The following AGPAT3 variants were observed in gnomAD, a reference collection of about 807,000 sequenced individuals.
AGPAT3 encodes the protein 1-acyl-sn-glycerol-3-phosphate acyltransferase gamma.
Under a neutral mutation model 47.3 loss-of-function variants are expected in AGPAT3, and 5 were observed. The observed-to-expected ratio is 0.11, with a 90% confidence interval of 0.06 to 0.22. AGPAT3 has a LOEUF of 0.22. AGPAT3 is among the 10% of genes least tolerant of loss of function. The probability of loss-of-function intolerance (pLI) is 1.00; values close to 1 mark genes in which losing one functional copy is unlikely to be tolerated. For missense variants in AGPAT3, 315 were observed against 493.0 expected, an observed-to-expected ratio of 0.64 and a Z score of 3.42; for synonymous variants, 212 against 208.3, an observed-to-expected ratio of 1.02 and a Z score of -0.15.
intron 2 of AGPAT3, among the ~76,000 whole-genome samples, chr21:43,921,921 G>A (rs1197303815): frequency 1.3e-5 from 2 of 152,142 alleles, no homozygotes. Context: ...GGTGTGGGGT[G>A]AGTGTGGAGA....
chr21:43,986,740 T>G lies in AGPAT3; in HGVS notation c.*4348T>G, dbSNP rs554756725. Among the ~76,000 whole-genome samples the G allele has an allele frequency of 5.3e-5, 8 of 152,354 alleles. No homozygotes were observed. The highest frequency in any genetic ancestry group is 1.9e-4 in the African/African-American group (8 of 41,584). On this transcript the variant is annotated 3_prime_UTR_variant, in exon 10 of 10. Coordinates refer to ENST00000291572, the MANE Select transcript of AGPAT3 (RefSeq NM_020132.5). ...TGAGTGCGCATGACAGCCACTGGCTTCTTTTTCTATGATTGAAAATCTGCC... is the reference window on the plus strand; with the variant it reads ...TGAGTGCGCATGACAGCCACTGGCTGCTTTTTCTATGATTGAAAATCTGCC...
rs2087188469 is a variant in AGPAT3, at chr21:43,930,035, A to G, written c.-49+26016A>G. 6.6e-6 allele frequency among the ~76,000 whole-genome samples: 1 copy of G among 152,168 alleles called. No homozygotes were observed. Among genetic ancestry groups the G allele is most frequent in the Non-Finnish European group, 1.5e-5 (1 of 68,020 alleles). Reference sequence around the variant, plus strand: ...GGACTTGAGTGACTGTCCTCCTGGAACCCAGGGTGCCTTGTCCTGGCACTT... The same window carrying G: ...GGACTTGAGTGACTGTCCTCCTGGAGCCCAGGGTGCCTTGTCCTGGCACTT... On this transcript the variant is annotated intron_variant, in intron 2 of 9. Transcript: ENST00000291572. The surrounding 1 kb of genome is among the most constrained non-coding windows in gnomAD (Gnocchi z 5.0).
intron 2 of AGPAT3, among the ~76,000 whole-genome samples, chr21:43,949,719 A>C (rs148586534): frequency 6.6e-6 from 1 of 152,258 alleles, no homozygotes; most frequent in African/African-American, 2.4e-5. Flanking sequence ...GTATCTTTCA[A>C]GATGTTCTGT....
chr21:43,935,092 G>A (rs887056128), intron 2 of AGPAT3, among the ~76,000 whole-genome samples: 2 of 152,344 alleles, frequency 1.3e-5, no homozygotes, highest in South Asian at 4.1e-4. Flanking sequence ...GGCTGGACAG[G>A]GGGGGCTTCT....
intron 2 of AGPAT3, among the ~76,000 whole-genome samples, chr21:43,959,082 T>TGGTGTGTGTGTGGCATGTGTGGGGTTTGC (rs796594636): frequency 1.6e-5 from 2 of 121,986 alleles, no homozygotes; most frequent in African/African-American, 7.0e-5. Flanking sequence ...GTGTGGTTTG[T>TGGTGTGTGTGTGGCATGTGTGGGGTTTGC]GGTGTGTGTG....
intron 3 of AGPAT3, 45 bp from the exon 4 acceptor site, chr21:43,967,901 G>A (rs747457775): frequency 1.3e-6 from 2 of 1,591,372 alleles, no homozygotes; most frequent in Admixed American, 3.5e-5. Context: ...GACCATCCCA[G>A]GAGGAGGGGT....
At chr21:43,976,093 A>C (rs1017831247) in intron 7 of AGPAT3, among the ~76,000 whole-genome samples, 3 of 149,116 alleles carry the variant, frequency 2.0e-5, no homozygotes, top group Non-Finnish European at 4.4e-5. Context: ...TTTGAGACGG[A>C]GTCTCGCTCT....
chr21:43,956,094 C>T (rs1055867326), intron 2 of AGPAT3, among the ~76,000 whole-genome samples: 3 of 152,158 alleles, frequency 2.0e-5, no homozygotes, highest in African/African-American at 7.2e-5. Context: ...ACCACCTGGT[C>T]TCCTGGGGCT....
rs879205 is a variant in AGPAT3, at chr21:43,939,127, G to A, written c.-48-20507G>A. Among the ~76,000 whole-genome samples, 5 of 152,138 alleles carry A rather than the reference G, an allele frequency of 3.3e-5. No homozygotes were observed. Among genetic ancestry groups the A allele is most frequent in the African/African-American group, 4.8e-5 (2 of 41,380 alleles). On this transcript the variant is annotated intron_variant, in intron 2 of 9. Coordinates refer to ENST00000291572, the MANE Select transcript of AGPAT3 (RefSeq NM_020132.5). This position sits in a 1 kb window ranked among gnomAD's most constrained non-coding sequence, Gnocchi z 4.4. Reference sequence around the variant, plus strand: ...GGCAAACCCTGCTGGGGACAGGTTCGTTGTGTCTGATGCCGTGGGAGATGC... The same window carrying A: ...GGCAAACCCTGCTGGGGACAGGTTCATTGTGTCTGATGCCGTGGGAGATGC...
intron 1 of AGPAT3, among the ~76,000 whole-genome samples, chr21:43,898,768 C>T (rs909716060): frequency 3.3e-5 from 5 of 152,232 alleles, no homozygotes; most frequent in African/African-American, 1.2e-4. Context: ...CTCAGGTGAT[C>T]AGCCCACCTT....
chr21:43,971,330 G>A (rs2089385060), intron 6 of AGPAT3, 58 bp from the exon 7 acceptor site: 1 of 1,507,602 alleles, frequency 6.6e-7, no homozygotes, highest in South Asian at 1.1e-5. Flanking sequence ...TTTTCCCTCT[G>A]GCAGTGACCA....
chr21:43,948,139 C>T (rs2087994904), intron 2 of AGPAT3: 1 of 152,188 alleles, frequency 6.6e-6, no homozygotes, highest in African/African-American at 2.4e-5. Flanking sequence ...CTCTTGTCTT[C>T]CCCGCCTCTT....
intron 1 of AGPAT3, among the ~76,000 whole-genome samples, chr21:43,898,271 C>A (rs2086274773): frequency 6.6e-6 from 1 of 152,158 alleles, no homozygotes; most frequent in Non-Finnish European, 1.5e-5. Context: ...TTGTTGATTT[C>A]TTGGTCTGTG....
chr21:43,873,064 T>C (rs1378189897), intron 1 of AGPAT3, among the ~76,000 whole-genome samples: 7 of 152,142 alleles, frequency 4.6e-5, no homozygotes. Context: ...GACAGAGCAC[T>C]GGTGCCAGCG....
chr21:43,980,675 C>T (rs1354122983), intron 8 of AGPAT3, among the ~76,000 whole-genome samples: 1 of 152,198 alleles, frequency 6.6e-6, no homozygotes, highest in Non-Finnish European at 1.5e-5. Context: ...TGGGATGTGG[C>T]GGGTGGCCGG....
rs372562616 is a variant in AGPAT3, at chr21:43,968,061, C to T, written c.294C>T (p.Phe98=). 60 of 1,613,902 alleles carry T rather than the reference C, an allele frequency of 3.7e-5. No individual in the cohort carries two copies. The highest frequency in any genetic ancestry group is 6.7e-5 in the East Asian group (3 of 44,856). ...EHAVIILNHN[F]EIDFLCGWTM... ...CAGTCATCATCCTCAACCACAACTT[C>T]GAGATCGACTTCCTCTGTGGGTGGA... Residue 98 remains phenylalanine (F), a synonymous_variant, in exon 4 of 10, where the codon TTC becomes TTT. Transcript: ENST00000291572.
chr21:43,940,925 C>G (rs1270134610), intron 2 of AGPAT3, among the ~76,000 whole-genome samples: 2 of 152,250 alleles, frequency 1.3e-5, no homozygotes, highest in African/African-American at 4.8e-5. Context: ...CCCAACCCCG[C>G]TGTGTCTCCG....
chr21:43,949,948 C>T (rs2088108951), intron 2 of AGPAT3, among the ~76,000 whole-genome samples: 1 of 152,322 alleles, frequency 6.6e-6, no homozygotes, highest in East Asian at 1.9e-4. Flanking sequence ...TGCAAACTTG[C>T]ATCCTACTTG....
In AGPAT3 at chr21:43,946,592, T is replaced by A. The variant is rs374939727; in HGVS notation, c.-48-13042T>A. 7.6e-5 allele frequency among the ~76,000 whole-genome samples: 11 copies of A among 143,834 alleles called. No individual in the cohort carries two copies. In the East Asian group the frequency reaches 2.2e-3, roughly 29 times the overall value. The allele number at this position is 143,834 out of a possible 152,430, so 94.4% of individuals were successfully genotyped here. A position where few individuals can be genotyped will look rare whatever the true frequency, so the allele number is the denominator to read the frequency against. On this transcript the variant is annotated intron_variant, in intron 2 of 9. Transcript: ENST00000291572. ...TCCAGCCTAGGGGACAAAACAAGAC[T>A]CCTTCTTAAAAAAAAAAAAAAAAGT...
Sources: allele counts gnomAD v4.1 joint callset (sites outside exome capture counted in the v4.1 genomes callset), GRCh38; gene constraint gnomAD v4.1.1; non-coding constraint Gnocchi (gnomAD v3.1); transcripts MANE v1.5; gene names NCBI Gene and HGNC (gene_info 2026-07-23, HGNC 2026-07-21).